MYBPC1: variants seen among roughly 807,000 people sequenced by gnomAD.
The protein encoded by MYBPC1 is myosin-binding protein C, slow-type.
In MYBPC1, 52 loss-of-function variants were observed where a neutral mutation model predicts 147.1. That is an observed-to-expected ratio of 0.35 (90% CI 0.28 to 0.45). MYBPC1 has a LOEUF of 0.45. Ranked by LOEUF, MYBPC1 falls within the 20% of genes least tolerant of loss-of-function variation. The pLI is 1.00. For missense variants in MYBPC1, 1,228 were observed against 1,440.3 expected, an observed-to-expected ratio of 0.85 and a Z score of 2.39; for synonymous variants, 477 against 475.9, an observed-to-expected ratio of 1.00 and a Z score of -0.03.
rs777617235 is a variant in MYBPC1 at position 101,675,310 on chromosome 12, A to G, written c.2828A>G (p.Gln943Arg). 5 of 1,614,106 alleles carry G rather than the reference A, an allele frequency of 3.1e-6. No individual in the cohort carries two copies. The highest frequency in any genetic ancestry group is 3.4e-6 in the Non-Finnish European group (4 of 1,179,978). The part of the protein sequence containing the change: ...IQIIDRPGPP[Q>R]IVKIEDVWGE... ...CCTGTAGACCGTCCAGGTCCACCCCAAATTGTGAAGATTGAGGATGTCTGG... is the reference window on the plus strand; with the variant it reads ...CCTGTAGACCGTCCAGGTCCACCCCGAATTGTGAAGATTGAGGATGTCTGG... Residue 943 changes from glutamine to arginine, a missense_variant, in exon 26 of 32, where the codon CAA (glutamine) becomes CGA (arginine). Physicochemically the swap from Gln to Arg is conservative, Grantham distance 43. Around this residue, in one of 2 missense-constraint regions of MYBPC1, gnomAD observed 1,077 missense variants for 1,314.2 expected, o/e 0.82. Coordinates refer to ENST00000361466, the MANE Select transcript of MYBPC1 (RefSeq NM_002465.4).
intron 1 of MYBPC1, among the ~76,000 whole-genome samples, chr12:101,596,093 G>T (rs1195538869): frequency 6.6e-6 from 1 of 152,070 alleles, no homozygotes; most frequent in Non-Finnish European, 1.5e-5. Context: ...AATAGTCATA[G>T]TTTTCAGTTT....
chr12:101,664,352 G>A (rs1897080564), intron 22 of MYBPC1: 1 of 152,132 alleles, frequency 6.6e-6, no homozygotes, highest in South Asian at 2.1e-4. Flanking sequence ...TTTGAAAATG[G>A]CTCTGGACTT....
intron 31 of MYBPC1, 97 bp from the exon 32 acceptor site, chr12:101,685,485 T>C: frequency 1.3e-6 from 1 of 793,904 alleles, no homozygotes; most frequent in Non-Finnish European, 2.1e-6. Context: ...GGAACATGAT[T>C]AGTCACATTT....
intron 11 of MYBPC1, 82 bp downstream of exon 11, chr12:101,642,667 C>T (rs1892314111): frequency 1.4e-6 from 2 of 1,477,022 alleles, no homozygotes; most frequent in Non-Finnish European, 1.8e-6. Flanking sequence ...ATCCCGAGCT[C>T]CTTCCAGTCT....
chr12:101,655,120 A>T (rs1609141), intron 18 of MYBPC1, among the ~76,000 whole-genome samples: 104,235 of 138,584 alleles, frequency 0.75, 35,882 homozygotes, highest in East Asian at 0.9. Flanking sequence ...GTAAATTAGA[A>T]TAGCAGTCGA....
intron 8 of MYBPC1, 150 bp from the exon 9 acceptor site, chr12:101,634,404 A>AG: frequency 3.0e-6 from 2 of 658,842 alleles, no homozygotes; most frequent in South Asian, 3.4e-5. Flanking sequence ...AGGTATGATG[A>AG]GGCCTTGGCA....
At chr12:101,648,018 T>C (rs1893588486) in intron 13 of MYBPC1, 27 bp from the exon 14 acceptor site, 3 of 1,555,564 alleles carry the variant, frequency 1.9e-6, no homozygotes, top group Non-Finnish European at 1.8e-6. Context: ...TATTTAATGA[T>C]TCTGATTTCC....
Position 101,678,207 on chromosome 12 carries a change from C to A in MYBPC1, c.3215C>A (p.Thr1072Asn), listed in dbSNP as rs1900418907. The A allele has an allele frequency of 1.9e-6, 3 of 1,614,118 alleles. No homozygotes were observed. The highest frequency in any genetic ancestry group is 2.2e-5 in the East Asian group (1 of 44,870). Residue 1072 changes from threonine to asparagine, a missense_variant, in exon 28 of 32, where the codon ACC (threonine) becomes AAC (asparagine). Thr to Asn is a moderately conservative substitution (Grantham distance 65, BLOSUM62 0). This residue lies in a region of MYBPC1 where 1,077 missense variants were observed against 1,314.2 expected (regional missense o/e 0.82). Coordinates refer to ENST00000361466, the MANE Select transcript of MYBPC1 (RefSeq NM_002465.4). Reference protein sequence around the residue: ...NTYAIAGYNATLNCSVRGNPK... With the variant: ...NTYAIAGYNANLNCSVRGNPK... ...TATGCCATAGCTGGTTACAATGCCA[C>A]CCTAAACTGCAGTGTGAGAGGAAAT...
At chr12:101,637,040 G>T in intron 10 of MYBPC1, 2 of 338,728 alleles carry the variant, frequency 5.9e-6, no homozygotes, top group Non-Finnish European at 1.1e-5. Context: ...CTCTAAGACT[G>T]CACATATGAT....
In MYBPC1 at chr12:101,663,560, A is replaced by C; in HGVS notation, c.2356A>C (p.Thr786Pro). The C allele has an allele frequency of 6.2e-7, 1 of 1,614,012 alleles. No individual in the cohort carries two copies. ...GYVLEYCFEGTEDWIVANKDL... is the reference protein window; with the variant it reads ...GYVLEYCFEGPEDWIVANKDL... ...TGTGCTAGAGTATTGCTTTGAAGGA[A>C]GTAAGTACAACCAGTAGATAAAATG... The change falls in exon 22 of 32, where the codon ACT becomes CCT. Residue 786 changes from threonine to proline, a missense_variant and splice_region_variant. Physicochemically the swap from Thr to Pro is conservative, Grantham distance 38. Coordinates refer to ENST00000361466, the MANE Select transcript of MYBPC1 (RefSeq NM_002465.4).
At chr12:101,674,155 A>G in intron 25 of MYBPC1, among the ~76,000 whole-genome samples, 1 of 152,238 alleles carries the variant, frequency 6.6e-6, no homozygotes, top group East Asian at 1.9e-4. Context: ...AAGAAAATTA[A>G]TGGATGTGCT....
intron 1 of MYBPC1, among the ~76,000 whole-genome samples, chr12:101,603,968 C>A (rs997644475): frequency 2.0e-5 from 3 of 152,048 alleles, no homozygotes; most frequent in South Asian, 4.2e-4. Context: ...TCAAGATCCC[C>A]AAAAAAGACA....
chr12:101,694,759 C>CTTTT, the MYBPC1 span, among the ~76,000 whole-genome samples: 134 of 149,870 alleles, frequency 8.9e-4, no homozygotes, highest in South Asian at 0.02. Context: ...AATACATCTG[C>CTTTT]TTTTTTTTTT....
chr12:101,672,611 G>C (rs1275046707), intron 24 of MYBPC1, among the ~76,000 whole-genome samples: 1 of 152,148 alleles, frequency 6.6e-6, no homozygotes, highest in Non-Finnish European at 1.5e-5. Context: ...ACTTTGGAAG[G>C]CTGAGGCGTG....
chr12:101,644,806 C>T lies in MYBPC1; in HGVS notation c.965+10C>T. The T allele has an allele frequency of 1.2e-6, 2 of 1,613,112 alleles. No homozygotes were observed. The highest frequency in any genetic ancestry group is 1.7e-6 in the Non-Finnish European group (2 of 1,179,348). On this transcript the variant is annotated intron_variant, in intron 12 of 31. Transcript: ENST00000361466. Reference sequence around the variant, plus strand: ...TTCGACCCAGTACCAAGTAAGTGGGCTTTGCAAAAATCAGTGATAGCTCTA... The same window carrying T: ...TTCGACCCAGTACCAAGTAAGTGGGTTTTGCAAAAATCAGTGATAGCTCTA...
intron 6 of MYBPC1, 70 bp downstream of exon 6, chr12:101,629,614 T>C: frequency 1.0e-6 from 1 of 998,402 alleles, no homozygotes; most frequent in Non-Finnish European, 1.5e-6. Context: ...GCCTCACGCC[T>C]GTAATCCCAG....
chr12:101,669,582 A>G (rs1898128212), intron 23 of MYBPC1, among the ~76,000 whole-genome samples: 1 of 152,292 alleles, frequency 6.6e-6, no homozygotes, highest in African/African-American at 2.4e-5. Flanking sequence ...CCTCCCAGCT[A>G]ATGTGGTGCC....
chr12:101,681,568 ATATATATATATATATATATATATATTTT>A (rs1455382567), intron 29 of MYBPC1, among the ~76,000 whole-genome samples: 23 of 15,688 alleles, frequency 1.5e-3, no homozygotes, highest in East Asian at 9.1e-3. Flanking sequence ...ATATATATAT[ATATATATATATATATATATATATATTTT>A]TTTTTTTTTT....
At chr12:101,651,540 G>A (rs1380691376) in intron 16 of MYBPC1, 147 bp downstream of exon 16, 27 of 1,044,484 alleles carry the variant, frequency 2.6e-5, no homozygotes, top group Non-Finnish European at 5.9e-6. Context: ...TAGCAAGAAG[G>A]TGTGATTTCT....
Sources: gnomAD v4.1 joint callset for allele counts (sites outside exome capture counted in the v4.1 genomes callset) on GRCh38, gnomAD v4.1.1 for gene constraint, gnomAD v4.1.1 regional missense constraint, MANE v1.5 for transcripts, NCBI Gene and HGNC (gene_info 2026-07-23, HGNC 2026-07-21) for gene names.